Variants in CACNA2D1 observed in about 807,000 individuals in gnomAD.
CACNA2D1 encodes the protein calcium voltage-gated channel auxiliary subunit alpha2delta 1.
CACNA2D1 carries 53 observed loss-of-function variants against 171.5 expected under a neutral mutation model. The observed-to-expected ratio is 0.31, with a 90% confidence interval of 0.25 to 0.39. The LOEUF is 0.39. Ranked by LOEUF, CACNA2D1 falls within the 10% of genes least tolerant of loss-of-function variation. The probability of loss-of-function intolerance (pLI) is 1.00; values close to 1 mark genes in which losing one functional copy is unlikely to be tolerated. For synonymous variants in CACNA2D1, 442 were observed against 443.1 expected, an observed-to-expected ratio of 1.00 and a Z score of 0.03; for missense variants, 903 against 1,299.8, an observed-to-expected ratio of 0.69 and a Z score of 4.69.
rs190274042 is a variant in CACNA2D1, at chr7:82,192,060, C to T, written c.295-21451G>A. On this transcript the variant is annotated intron_variant, in intron 3 of 38. Coordinates refer to ENST00000356860, the MANE Select transcript of CACNA2D1 (RefSeq NM_000722.4). ...AAAAAAATGTTTGACTCTTCTCTAT[C>T]CCTCTTTACCTTACTCTGTACTATC... Among the ~76,000 whole-genome samples, 444 of 151,804 alleles carry T rather than the reference C, an allele frequency of 2.9e-3. 5 individuals are homozygous for T. The highest frequency in any genetic ancestry group is 5.7e-3 in the Admixed American group (87 of 15,206).
Position 82,032,789 on chromosome 7 carries a change from A to G in CACNA2D1, c.1143+8T>C. Reference sequence around the variant, plus strand: ...ATTAAAATTTAAATATTATAAAATTACACTCACTTTTTTATCTTTATTGTA... The same window carrying G: ...ATTAAAATTTAAATATTATAAAATTGCACTCACTTTTTTATCTTTATTGTA... On this transcript the variant is annotated splice_region_variant and intron_variant, in intron 12 of 38. Coordinates refer to ENST00000356860, the MANE Select transcript of CACNA2D1 (RefSeq NM_000722.4). The G allele has an allele frequency of 1.4e-6, 2 of 1,399,020 alleles. No individual in the cohort carries two copies. Among genetic ancestry groups the G allele is most frequent in the Non-Finnish European group, 2.0e-6 (2 of 992,736 alleles). The allele number at this position is 1,399,020 out of a possible 1,614,324, so 86.7% of individuals were successfully genotyped here. A position where few individuals can be genotyped will look rare whatever the true frequency, so the allele number is the denominator to read the frequency against.
intron 6 of CACNA2D1, among the ~76,000 whole-genome samples, chr7:82,107,032 T>G (rs1253492755): frequency 1.3e-5 from 2 of 152,134 alleles, no homozygotes; most frequent in African/African-American, 4.8e-5. Flanking sequence ...TCTTATATAT[T>G]TGGCCAAATA....
intron 11 of CACNA2D1, among the ~76,000 whole-genome samples, chr7:82,033,774 C>A (rs975605118): frequency 1.3e-5 from 2 of 152,040 alleles, no homozygotes; most frequent in African/African-American, 4.8e-5. Flanking sequence ...TTAAAATGAA[C>A]AATTAATTTA....
intron 4 of CACNA2D1, among the ~76,000 whole-genome samples, chr7:82,140,970 G>GA (rs1007160020): frequency 1.1e-5 from 1 of 92,910 alleles, no homozygotes; most frequent in East Asian, 3.9e-4. Flanking sequence ...AAAAAAAAAA[G>GA]AAAAAAAAAT....
intron 3 of CACNA2D1, among the ~76,000 whole-genome samples, chr7:82,269,122 A>C (rs573069432): frequency 6.6e-6 from 1 of 152,038 alleles, no homozygotes; most frequent in South Asian, 2.1e-4. Flanking sequence ...CCTCTTTCCT[A>C]TATCTCCCAT....
At chr7:82,139,940 C>A (rs190125437) in intron 4 of CACNA2D1, among the ~76,000 whole-genome samples, 3,021 of 122,246 alleles carry the variant, frequency 0.025, 98 homozygotes, top group African/African-American at 0.095. Flanking sequence ...TGCCAACACA[C>A]CTGGCTATTA....
intron 1 of CACNA2D1, among the ~76,000 whole-genome samples, chr7:82,404,988 A>T (rs533724317): frequency 6.6e-6 from 1 of 152,340 alleles, no homozygotes; most frequent in East Asian, 1.9e-4. Flanking sequence ...TCATTTTGAG[A>T]GTTATTCTCA....
chr7:82,152,198 G>T (rs1410402197), intron 4 of CACNA2D1, among the ~76,000 whole-genome samples: 1 of 151,746 alleles, frequency 6.6e-6, no homozygotes, highest in East Asian at 1.9e-4. Context: ...TCATGTAAAT[G>T]ATATGAAAAC....
chr7:82,430,154 C>G (rs1226205399), intron 1 of CACNA2D1, among the ~76,000 whole-genome samples: 1 of 83,558 alleles, frequency 1.2e-5, no homozygotes, highest in Non-Finnish European at 2.3e-5. Context: ...TGGCTCACAC[C>G]TGTAGTAATC....
chr7:82,201,224 C>G (rs79262198), intron 3 of CACNA2D1, among the ~76,000 whole-genome samples: 1,727 of 152,098 alleles, frequency 0.011, 19 homozygotes, highest in Non-Finnish European at 0.02. Flanking sequence ...TAAGCACAAC[C>G]AAGGAGAAGT....
chr7:82,304,347 A>T (rs970069974), intron 3 of CACNA2D1, among the ~76,000 whole-genome samples: 35 of 150,444 alleles, frequency 2.3e-4, no homozygotes, highest in African/African-American at 8.5e-4. Context: ...GTGGATATTA[A>T]TCCAAAAAAA....
chr7:82,054,330 AC>A, intron 10 of CACNA2D1, among the ~76,000 whole-genome samples: 1 of 152,296 alleles, frequency 6.6e-6, no homozygotes, highest in South Asian at 2.1e-4. Context: ...ATTGCAGGGA[AC>A]CCTCTGCTGT....
chr7:82,382,677 G>A (rs1310717024), intron 1 of CACNA2D1, among the ~76,000 whole-genome samples: 1 of 152,156 alleles, frequency 6.6e-6, no homozygotes, highest in Non-Finnish European at 1.5e-5. Context: ...TAAGTGTAAG[G>A]GGACCACCTC....
intron 6 of CACNA2D1, among the ~76,000 whole-genome samples, chr7:82,107,468 A>G (rs1263247765): frequency 6.6e-6 from 1 of 152,120 alleles, no homozygotes; most frequent in Non-Finnish European, 1.5e-5. Context: ...CAAAATTCAA[A>G]GAGCAGCTAT....
intron 1 of CACNA2D1, among the ~76,000 whole-genome samples, chr7:82,431,090 C>T (rs1457519221): frequency 1.3e-5 from 2 of 152,130 alleles, no homozygotes; most frequent in Admixed American, 6.5e-5. Context: ...AGGGATGGAA[C>T]AGTTCACCCA....
intron 1 of CACNA2D1, among the ~76,000 whole-genome samples, chr7:82,443,129 C>G (rs1204262512): frequency 6.6e-6 from 1 of 152,142 alleles, no homozygotes; most frequent in Non-Finnish European, 1.5e-5. Context: ...CTTCCCGGGA[C>G]AGTCGGCCCC....
intron 3 of CACNA2D1, among the ~76,000 whole-genome samples, chr7:82,327,406 C>A (rs1816784429): frequency 6.6e-6 from 1 of 152,146 alleles, no homozygotes; most frequent in South Asian, 2.1e-4. Context: ...TTTAAATCAC[C>A]CTTTTGTTGT....
chr7:82,290,885 C>T (rs990260110), intron 3 of CACNA2D1, among the ~76,000 whole-genome samples: 2 of 151,516 alleles, frequency 1.3e-5, no homozygotes, highest in African/African-American at 2.4e-5. Context: ...CGTGAGCCCC[C>T]GCACCCAGTG....
At chr7:81,983,906 T>C (rs976048385) in intron 22 of CACNA2D1, among the ~76,000 whole-genome samples, 3 of 152,188 alleles carry the variant, frequency 2.0e-5, no homozygotes, top group Non-Finnish European at 4.4e-5. Flanking sequence ...TTTTACTTCA[T>C]CCTCACAGAA....
Sources: allele counts gnomAD v4.1 joint callset (sites outside exome capture counted in the v4.1 genomes callset), GRCh38; gene constraint gnomAD v4.1.1; transcripts MANE v1.5; gene names NCBI Gene and HGNC (gene_info 2026-07-23, HGNC 2026-07-21).